The following MAP3K4 variants were observed in gnomAD, a reference collection of about 807,000 sequenced individuals.
MAP3K4 encodes the protein mitogen-activated protein kinase kinase kinase 4.
MAP3K4 carries 67 observed loss-of-function variants against 185.6 expected under a neutral mutation model. That is an observed-to-expected ratio of 0.36 (90% CI 0.30 to 0.44). The LOEUF (loss-of-function observed/expected upper bound fraction) is 0.44. MAP3K4 is among the 20% of genes least tolerant of loss of function. The pLI is 1.00. For missense variants in MAP3K4, 1,551 were observed against 1,995.1 expected (o/e 0.78, Z 4.24); for synonymous variants, 702 against 710.4 (o/e 0.99, Z 0.19).
chr6:161,033,841 A>G (rs1004739399), intron 1 of MAP3K4, among the ~76,000 whole-genome samples: 1 of 152,192 alleles, frequency 6.6e-6, no homozygotes, highest in East Asian at 1.9e-4. Context: ...GCAGGACTGA[A>G]CTTGCCCACT....
At chr6:161,104,887 T>C (rs760458213) in intron 19 of MAP3K4, among the ~76,000 whole-genome samples, 49 of 152,040 alleles carry the variant, frequency 3.2e-4, no homozygotes, top group Admixed American at 2.0e-3. Context: ...AATAAATGAG[T>C]GTAATAAGAA....
chr6:161,097,204 T>C lies in MAP3K4; in HGVS notation c.3524+28T>C. The C allele has an allele frequency of 6.3e-7, 1 of 1,592,124 alleles. No individual in the cohort carries two copies. Among genetic ancestry groups the C allele is most frequent in the Non-Finnish European group, 8.6e-7 (1 of 1,160,282 alleles). On this transcript the variant is annotated intron_variant, in intron 16 of 26. Coordinates refer to ENST00000392142, the MANE Select transcript of MAP3K4 (RefSeq NM_005922.4). The surrounding 1 kb of genome is among the most constrained non-coding windows in gnomAD (Gnocchi z 4.9). ...ATTTGGTGCTTATCTAGTCATTTGC[T>C]TTACAGAGTGCCCTCCGATATGCAT...
chr6:161,079,030 A>C (rs183169444), intron 5 of MAP3K4, among the ~76,000 whole-genome samples: 1 of 152,148 alleles, frequency 6.6e-6, no homozygotes, highest in Non-Finnish European at 1.5e-5. Flanking sequence ...CCTGGCCAAC[A>C]TGGCAAAACC....
intron 1 of MAP3K4, among the ~76,000 whole-genome samples, chr6:160,999,001 C>T (rs1487055075): frequency 5.3e-5 from 8 of 152,190 alleles, no homozygotes; most frequent in Non-Finnish European, 7.3e-5. Context: ...TTTCATGGGT[C>T]ATATGGATGC....
In MAP3K4 at chr6:161,070,663, C is replaced by T. The variant is rs1735388918; in HGVS notation, c.1763C>T (p.Thr588Ile). 3 of 1,614,000 alleles carry T rather than the reference C, an allele frequency of 1.9e-6. No individual in the cohort carries two copies. Among genetic ancestry groups the T allele is most frequent in the South Asian group, 2.2e-5 (2 of 91,076 alleles). ...TCAGATTATGTGCAGTTGTCAAGGA[C>T]ACCACCTTCATCTGAGGAGAAATGC... ...WGSDYVQLSR[T>I]PPSSEEKCSA... The change falls in exon 4 of 27, where the codon ACA (threonine) becomes ATA (isoleucine). Residue 588 changes from threonine (T) to isoleucine (I), a missense_variant. Coordinates refer to ENST00000392142, the MANE Select transcript of MAP3K4 (RefSeq NM_005922.4). This position sits in a 1 kb window ranked among gnomAD's most constrained non-coding sequence, Gnocchi z 4.5.
Position 161,049,406 on chromosome 6 carries a change from T to C in MAP3K4, c.1134T>C (p.Tyr378=), listed in dbSNP as rs776284889. 40 of 1,614,034 alleles carry C rather than the reference T, an allele frequency of 2.5e-5. No individual in the cohort carries two copies. Among genetic ancestry groups the C allele is most frequent in the Non-Finnish European group, 3.1e-5 (36 of 1,180,020 alleles). The change falls in exon 3 of 27, where the codon TAT becomes TAC. Residue 378 remains tyrosine (Y), a synonymous_variant. Coordinates refer to ENST00000392142, the MANE Select transcript of MAP3K4 (RefSeq NM_005922.4). This position sits in a 1 kb window ranked among gnomAD's most constrained non-coding sequence, Gnocchi z 8.4. Reference sequence around the variant, plus strand: ...CATTGCAGGCTCTTCAGAAGGACTATGAAAAATATGCTGCAAAAGACTTCC... The same window carrying C: ...CATTGCAGGCTCTTCAGAAGGACTACGAAAAATATGCTGCAAAAGACTTCC... The part of the protein sequence containing the change: ...YPSLQALQKD[Y]EKYAAKDFQD...
intron 1 of MAP3K4, among the ~76,000 whole-genome samples, chr6:161,002,237 C>T (rs1781356565): frequency 6.6e-6 from 1 of 152,042 alleles, no homozygotes; most frequent in Non-Finnish European, 1.5e-5. Context: ...TTAATAGGCA[C>T]AGCTGTCTTT....
chr6:161,061,731 GCTT>G lies in MAP3K4; in HGVS notation c.1708-8873_1708-8871del, dbSNP rs1784492502. Among the ~76,000 whole-genome samples, 1 of 152,106 alleles carries G rather than the reference GCTT, an allele frequency of 6.6e-6. No individual in the cohort carries two copies. ...TATGGTATGTGGTCTTTTGAGACTG[GCTT>G]CTTTCATTTGCATAATGTTTTCAAG... is the stretch of plus-strand genomic sequence containing the variant. On this transcript the variant is annotated intron_variant, in intron 3 of 26. Transcript: ENST00000392142. This position sits in a 1 kb window ranked among gnomAD's most constrained non-coding sequence, Gnocchi z 4.2.
intron 1 of MAP3K4, 99 bp downstream of exon 1, chr6:160,992,182 G>A: frequency 7.2e-7 from 1 of 1,393,232 alleles, no homozygotes; most frequent in Non-Finnish European, 9.3e-7. Flanking sequence ...GCCAGGTGGG[G>A]AGGGAAGCAT....
intron 15 of MAP3K4, among the ~76,000 whole-genome samples, chr6:161,095,982 CAATT>C (rs1469225947): frequency 8.5e-5 from 13 of 152,074 alleles, no homozygotes; most frequent in Non-Finnish European, 1.8e-4. Context: ...TATCTTTGCT[CAATT>C]AAAGACTCAC....
chr6:161,007,441 T>C lies in MAP3K4; in HGVS notation c.152+15358T>C, dbSNP rs1408538382. 6.6e-6 allele frequency among the ~76,000 whole-genome samples: 1 copy of C among 152,172 alleles called. No individual in the cohort carries two copies. The highest frequency in any genetic ancestry group is 1.5e-5 in the Non-Finnish European group (1 of 68,032). Reference sequence around the variant, plus strand: ...ATGGTGGTCCTTTGAGGTTAGCCATTTCTTGGAACACAGAACGTGGATTTC... The same window carrying C: ...ATGGTGGTCCTTTGAGGTTAGCCATCTCTTGGAACACAGAACGTGGATTTC... On this transcript the variant is annotated intron_variant, in intron 1 of 26. Transcript: ENST00000392142. This position sits in a 1 kb window ranked among gnomAD's most constrained non-coding sequence, Gnocchi z 4.5.
chr6:161,089,594 C>A, intron 11 of MAP3K4, 123 bp downstream of exon 11: 1 of 913,494 alleles, frequency 1.1e-6, no homozygotes, highest in Non-Finnish European at 1.6e-6. Context: ...GCCCACTCAC[C>A]TCTCTTCCCA....
rs113756627 is a variant in MAP3K4, at chr6:161,114,592, A to G, written c.4627-531A>G. Among the ~76,000 whole-genome samples, 1,886 of 152,346 alleles carry G rather than the reference A, an allele frequency of 0.012. 41 individuals carry two copies. Among genetic ancestry groups the G allele is most frequent in the African/African-American group, 0.043 (1,780 of 41,592 alleles). On this transcript the variant is annotated intron_variant, in intron 25 of 26. Coordinates refer to ENST00000392142, the MANE Select transcript of MAP3K4 (RefSeq NM_005922.4). The surrounding 1 kb of genome is among the most constrained non-coding windows in gnomAD (Gnocchi z 4.3). ...AATACATATTGGCAATGACGAAACA[A>G]TAGTTTAGAAATTAGAATGCCATAC...
In MAP3K4 at chr6:161,096,516, T is replaced by C. The variant is rs181917796; in HGVS notation, c.3428-564T>C. On this transcript the variant is annotated intron_variant, in intron 15 of 26. Transcript: ENST00000392142. The surrounding 1 kb of genome is among the most constrained non-coding windows in gnomAD (Gnocchi z 4.9). ...TCTAATTTTAAATTTTATCTAGTTT[T>C]AAATTTTTATTTTAAATTTTATTCA... Among the ~76,000 whole-genome samples, 2 of 152,264 alleles carry C rather than the reference T, an allele frequency of 1.3e-5. No homozygotes were observed. The highest frequency in any genetic ancestry group is 1.3e-4 in the Admixed American group (2 of 15,304).
At chr6:161,032,607 A>G (rs188397550) in intron 1 of MAP3K4, among the ~76,000 whole-genome samples, 16 of 152,350 alleles carry the variant, frequency 1.1e-4, no homozygotes, top group Non-Finnish European at 1.6e-4. Context: ...AAACAGTGTT[A>G]TTAACCACTG....
rs1240515312 is a variant in MAP3K4 at position 161,101,315 on chromosome 6, C to T, written c.3675-577C>T. The T allele has an allele frequency of 1.3e-5, 2 of 152,052 alleles. No homozygotes were observed. Among genetic ancestry groups the T allele is most frequent in the African/African-American group, 2.4e-5 (1 of 41,398 alleles). 9.4% of individuals were successfully genotyped at this position (152,052 alleles called of 1,614,324 possible). A position where few individuals can be genotyped will look rare whatever the true frequency, so the allele number is the denominator to read the frequency against. On this transcript the variant is annotated intron_variant, in intron 17 of 26. Coordinates refer to ENST00000392142, the MANE Select transcript of MAP3K4 (RefSeq NM_005922.4). The surrounding 1 kb of genome is among the most constrained non-coding windows in gnomAD (Gnocchi z 5.1). ...ACTGCTTGAGAAACCTTTAGGTATT[C>T]CCTTCCATTTTCTTACTGAGAGATT...
At chr6:161,041,215 A>G (rs1165142093) in intron 2 of MAP3K4, among the ~76,000 whole-genome samples, 1 of 152,158 alleles carries the variant, frequency 6.6e-6, no homozygotes, top group Non-Finnish European at 1.5e-5. Flanking sequence ...TAGCTCTAGG[A>G]TTCACTTTCT....
chr6:161,081,267 C>T (rs895506050), intron 6 of MAP3K4, among the ~76,000 whole-genome samples: 1 of 130,940 alleles, frequency 7.6e-6, no homozygotes, highest in Non-Finnish European at 1.6e-5. Flanking sequence ...ATGGTCATGA[C>T]TGGGAAGATG....
rs1319491292 is a variant in MAP3K4 at position 161,098,518 on chromosome 6, G to A, written c.3674+91G>A. ...AGTGTTAGGGTGTGTGCCGGCTGTG[G>A]TTGGGCTTCTTTGCTGTGGCGTGTG... is the stretch of plus-strand genomic sequence containing the variant. On this transcript the variant is annotated intron_variant, in intron 17 of 26. Coordinates refer to ENST00000392142, the MANE Select transcript of MAP3K4 (RefSeq NM_005922.4). This position sits in a 1 kb window ranked among gnomAD's most constrained non-coding sequence, Gnocchi z 4.4. The A allele has an allele frequency of 6.9e-6, 10 of 1,454,868 alleles. No individual in the cohort carries two copies. In the African/African-American group the frequency reaches 1.4e-4, roughly 21 times the overall value. 90.1% of individuals were successfully genotyped at this position (1,454,868 alleles called of 1,614,324 possible).
Sources: allele counts gnomAD v4.1 joint callset (sites outside exome capture counted in the v4.1 genomes callset), GRCh38; gene constraint gnomAD v4.1.1; non-coding constraint Gnocchi (gnomAD v3.1); transcripts MANE v1.5; gene names NCBI Gene and HGNC (gene_info 2026-07-23, HGNC 2026-07-21).